The following VPS13B variants were observed in gnomAD, a reference collection of about 807,000 sequenced individuals.
VPS13B encodes vacuolar protein sorting 13 homolog B.
VPS13B carries 285 observed loss-of-function variants against 426.4 expected under a neutral mutation model. That is an observed-to-expected ratio of 0.67 (90% CI 0.61 to 0.74). VPS13B has a LOEUF of 0.74. VPS13B is among the 30% of genes least tolerant of loss of function. The pLI, the probability that VPS13B is intolerant of heterozygous loss-of-function variation, is 0.00. For missense variants in VPS13B, 4,537 were observed against 4,782.6 expected (o/e 0.95, Z 1.51); for synonymous variants, 1,676 against 1,676.4 (o/e 1.00, Z 0.01).
At chr8:99,818,969 C>CGGGGGCGGG in intron 47 of VPS13B, 81 bp downstream of exon 47, 3 of 78,700 alleles carry the variant, frequency 3.8e-5, no homozygotes, top group Non-Finnish European at 5.0e-5. Flanking sequence ...TGGGGGGCGG[C>CGGGGGCGGG]GGGGGAGGGG....
At chr8:99,198,214 T>C (rs1814063415) in intron 17 of VPS13B, among the ~76,000 whole-genome samples, 1 of 152,160 alleles carries the variant, frequency 6.6e-6, no homozygotes, top group Non-Finnish European at 1.5e-5. Flanking sequence ...TACAGTAACA[T>C]CTTCCTTGGC....
intron 3 of VPS13B, among the ~76,000 whole-genome samples, chr8:99,041,778 G>A (rs189984989): frequency 1.1e-4 from 17 of 151,390 alleles, no homozygotes; most frequent in Non-Finnish European, 2.2e-4. Flanking sequence ...GCATGAACCC[G>A]CGAGGTGGAG....
At position 99,209,515 on chromosome 8, in the gene VPS13B, A is replaced by C. The variant is rs755996595; in HGVS notation, c.2515+16458A>C. On this transcript the variant is annotated intron_variant, in intron 17 of 61. Transcript: ENST00000357162. ...TAGTAGGTAAGTATATAGCTTCTTT[A>C]CAGTAGATGGACTTATTTTTTCACT... The C allele has an allele frequency of 4.4e-5, 8 of 181,382 alleles. No individual in the cohort carries two copies. In the South Asian group the frequency reaches 5.6e-4, roughly 13 times the overall value. 11.2% of individuals were successfully genotyped at this position (181,382 alleles called of 1,614,324 possible).
intron 3 of VPS13B, among the ~76,000 whole-genome samples, chr8:99,069,080 G>A (rs554153869): frequency 6.6e-6 from 1 of 152,174 alleles, no homozygotes; most frequent in African/African-American, 2.4e-5. Context: ...ATAGGAATTT[G>A]CATGTTGGTA....
intron 16 of VPS13B, among the ~76,000 whole-genome samples, chr8:99,192,495 G>A (rs991819497): frequency 2.6e-5 from 4 of 152,146 alleles, no homozygotes; most frequent in African/African-American, 9.7e-5. Flanking sequence ...TATTATGGAA[G>A]GATTCAACGT....
At chr8:99,273,091 C>T (rs1441020339) in intron 17 of VPS13B, among the ~76,000 whole-genome samples, 1 of 151,716 alleles carries the variant, frequency 6.6e-6, no homozygotes, top group Non-Finnish European at 1.5e-5. Flanking sequence ...GATCCTCAAC[C>T]TGTATTTTGT....
chr8:99,137,766 G>A (rs1810155537), intron 12 of VPS13B, among the ~76,000 whole-genome samples: 1 of 152,080 alleles, frequency 6.6e-6, no homozygotes, highest in African/African-American at 2.4e-5. Context: ...CTTTCCATAT[G>A]TTGTTGATAC....
chr8:99,631,809 T>G (rs1464094899), intron 33 of VPS13B, among the ~76,000 whole-genome samples: 1 of 151,878 alleles, frequency 6.6e-6, no homozygotes. Flanking sequence ...TTTTTTTATA[T>G]CCTTAGCTAG....
At chr8:99,646,927 C>T (rs1223283483) in intron 34 of VPS13B, among the ~76,000 whole-genome samples, 1 of 152,028 alleles carries the variant, frequency 6.6e-6, no homozygotes, top group Non-Finnish European at 1.5e-5. Flanking sequence ...TGCAGTGTAC[C>T]GCCTGCAGAG....
chr8:99,738,367 C>T (rs545921485), intron 39 of VPS13B, among the ~76,000 whole-genome samples: 3 of 152,154 alleles, frequency 2.0e-5, no homozygotes, highest in Non-Finnish European at 4.4e-5. Context: ...TTCTCTTTAG[C>T]TAAATCATGG....
Position 99,104,095 on chromosome 8 carries a change from T to G in VPS13B, c.580+975T>G, listed in dbSNP as rs149993217. ...TTGTTGTTATGCAAACATCATAGAG[T>G]GTACTTACACAAACCTAGATGGTAT... On this transcript the variant is annotated intron_variant, in intron 5 of 61. Coordinates refer to ENST00000357162, the MANE Select transcript of VPS13B (RefSeq NM_152564.5). Among the ~76,000 whole-genome samples, 3 of 152,218 alleles carry G rather than the reference T, an allele frequency of 2.0e-5. No homozygotes were observed. In the East Asian group the frequency reaches 5.8e-4, roughly 29 times the overall value.
At position 99,756,287 on chromosome 8, in the gene VPS13B, G is replaced by A. The variant is rs537352358; in HGVS notation, c.7051-10487G>A. On this transcript the variant is annotated intron_variant, in intron 39 of 61. Transcript: ENST00000357162. ...GAATCAGTGAGCTTGAAGTTAGGTT[G>A]TTTTGAGATTATTGAGTCTGAAGAA... Among the ~76,000 whole-genome samples, 9 of 152,222 alleles carry A rather than the reference G, an allele frequency of 5.9e-5. No individual in the cohort carries two copies. The East Asian group carries it at 1.7e-3, about 29-fold the overall frequency.
chr8:99,342,644 G>A (rs755011202), intron 19 of VPS13B, among the ~76,000 whole-genome samples: 7 of 152,074 alleles, frequency 4.6e-5, no homozygotes, highest in Non-Finnish European at 1.0e-4. Flanking sequence ...CAGTTTATCC[G>A]TTGATAGCCA....
chr8:99,659,604 A>G (rs1304014439), intron 34 of VPS13B, among the ~76,000 whole-genome samples: 1 of 152,228 alleles, frequency 6.6e-6, no homozygotes, highest in Non-Finnish European at 1.5e-5. Flanking sequence ...AAGTTGATTA[A>G]ATATGCCACA....
Position 99,420,378 on chromosome 8 carries a change from G to A in VPS13B, c.3083-11159G>A, listed in dbSNP as rs141008427. On this transcript the variant is annotated intron_variant, in intron 21 of 61. Transcript: ENST00000357162. Reference sequence around the variant, plus strand: ...TTCAGTCTCCCAGAATAAGAACAGAGATTTTGATGTACTGATTTTGAGTAA... The same window carrying A: ...TTCAGTCTCCCAGAATAAGAACAGAAATTTTGATGTACTGATTTTGAGTAA... 1.1e-3 allele frequency among the ~76,000 whole-genome samples: 167 copies of A among 152,218 alleles called. 2 individuals carry two copies. The highest frequency in any genetic ancestry group is 3.6e-3 in the African/African-American group (149 of 41,550).
chr8:99,610,685 A>G (rs937512333), intron 33 of VPS13B, among the ~76,000 whole-genome samples: 8 of 152,156 alleles, frequency 5.3e-5, no homozygotes, highest in African/African-American at 1.7e-4. Flanking sequence ...ATGTATACCT[A>G]TATAACAAAC....
chr8:99,312,756 A>T (rs1272779221), intron 19 of VPS13B, among the ~76,000 whole-genome samples: 2 of 152,182 alleles, frequency 1.3e-5, no homozygotes, highest in Non-Finnish European at 2.9e-5. Context: ...AATATCTTGC[A>T]GATTGTTTTC....
intron 16 of VPS13B, among the ~76,000 whole-genome samples, chr8:99,177,929 C>G (rs150366302): frequency 2.6e-5 from 4 of 152,226 alleles, no homozygotes; most frequent in African/African-American, 9.6e-5. Flanking sequence ...ATTCTAGTGA[C>G]AGCATTTTAA....
intron 22 of VPS13B, among the ~76,000 whole-genome samples, chr8:99,442,164 G>A (rs1285626959): frequency 6.6e-6 from 1 of 152,010 alleles, no homozygotes; most frequent in Non-Finnish European, 1.5e-5. Context: ...CTTGTGTCTT[G>A]GAAAAGACTG....
Sources: allele counts gnomAD v4.1 joint callset (sites outside exome capture counted in the v4.1 genomes callset), GRCh38; gene constraint gnomAD v4.1.1; transcripts MANE v1.5; gene names NCBI Gene and HGNC (gene_info 2026-07-23, HGNC 2026-07-21).